The following POU6F2 variants were observed in gnomAD, a reference collection of about 807,000 sequenced individuals.
POU6F2 encodes the protein POU domain, class 6, transcription factor 2.
POU6F2 carries 31 observed loss-of-function variants against 71.3 expected under a neutral mutation model. The ratio of observed to expected loss-of-function variants is 0.43; its 90% CI spans 0.33 to 0.59. The LOEUF is 0.59. Among genes scored for constraint, POU6F2 ranks in the 20% least tolerant of loss-of-function variants. POU6F2 has a pLI of 0.04. For synonymous variants in POU6F2, 347 were observed against 355.7 expected, an observed-to-expected ratio of 0.98 and a Z score of 0.27; for missense variants, 783 against 856.8, an observed-to-expected ratio of 0.91 and a Z score of 1.07.
chr7:39,169,987 A>G (rs1480686958), intron 2 of POU6F2, among the ~76,000 whole-genome samples: 1 of 152,134 alleles, frequency 6.6e-6, no homozygotes, highest in African/African-American at 2.4e-5. Context: ...GTTCGAGACC[A>G]GCCTGGCCAA....
intron 2 of POU6F2, among the ~76,000 whole-genome samples, chr7:39,135,292 C>G (rs531549488): frequency 8.5e-5 from 13 of 152,288 alleles, no homozygotes; most frequent in African/African-American, 2.6e-4. Flanking sequence ...AGGCACTGAC[C>G]TAGGCAGAGG....
At chr7:39,077,429 T>C (rs1251187790) in intron 1 of POU6F2, among the ~76,000 whole-genome samples, 6 of 152,254 alleles carry the variant, frequency 3.9e-5, no homozygotes, top group African/African-American at 7.2e-5. Context: ...TTGATTGTTA[T>C]GTTGTTATTT....
At chr7:39,206,627 C>T (rs578208990) in intron 3 of POU6F2, among the ~76,000 whole-genome samples, 4 of 152,222 alleles carry the variant, frequency 2.6e-5, no homozygotes, top group Admixed American at 6.5e-5. Flanking sequence ...ATATTATAAA[C>T]ATTTTCTATT....
chr7:39,264,360 A>G lies in POU6F2; in HGVS notation c.598+56740A>G, dbSNP rs547717707. ...ATGCACTTGGACGCCCAGCCATCCA[A>G]CTGGGCCCTACTGAGTTATGGCCTG... On this transcript the variant is annotated intron_variant, in intron 4 of 9. Coordinates refer to ENST00000518318, the MANE Select transcript of POU6F2 (RefSeq NM_001370959.1). 3.7e-4 allele frequency among the ~76,000 whole-genome samples: 56 copies of G among 152,296 alleles called. No individual in the cohort carries two copies. The South Asian group carries it at 8.7e-3, about 24-fold the overall frequency.
chr7:39,147,932 C>G (rs1358338950), intron 2 of POU6F2, among the ~76,000 whole-genome samples: 1 of 152,200 alleles, frequency 6.6e-6, no homozygotes, highest in African/African-American at 2.4e-5. Flanking sequence ...CTCATGCACA[C>G]TCTCCAAATC....
intron 4 of POU6F2, among the ~76,000 whole-genome samples, chr7:39,284,054 G>A (rs111977369): frequency 6.6e-6 from 1 of 152,132 alleles, no homozygotes; most frequent in Non-Finnish European, 1.5e-5. Context: ...CCCCTACACC[G>A]TGAACCAAGC....
chr7:39,430,225 C>T (rs555127603), intron 6 of POU6F2, among the ~76,000 whole-genome samples: 5 of 152,126 alleles, frequency 3.3e-5, no homozygotes, highest in East Asian at 1.9e-4. Context: ...GTTTTTGACA[C>T]GTTGAGATGG....
chr7:39,322,320 G>A (rs898803985), intron 4 of POU6F2, among the ~76,000 whole-genome samples: 1 of 152,172 alleles, frequency 6.6e-6, no homozygotes, highest in Non-Finnish European at 1.5e-5. Context: ...ACAGGGCAAC[G>A]TGTTTGTTAT....
chr7:39,131,978 C>T (rs1001090654), intron 2 of POU6F2, among the ~76,000 whole-genome samples: 2 of 152,120 alleles, frequency 1.3e-5, no homozygotes, highest in African/African-American at 2.4e-5. Context: ...TATCCATCCC[C>T]TCAAGCACTT....
chr7:39,386,406 C>G lies in POU6F2; in HGVS notation c.973-20194C>G, dbSNP rs115813752. Among the ~76,000 whole-genome samples the G allele has an allele frequency of 9.6e-3, 1,463 of 152,260 alleles. 30 individuals carry two copies. The highest frequency in any genetic ancestry group is 0.034 in the African/African-American group (1,407 of 41,548). On this transcript the variant is annotated intron_variant, in intron 5 of 9. Transcript: ENST00000518318. Reference sequence around the variant, plus strand: ...CCTTTAGAACCCAGACAATATGACTCCAGAGCTCCACCGTTCTATTATAGC... The same window carrying G: ...CCTTTAGAACCCAGACAATATGACTGCAGAGCTCCACCGTTCTATTATAGC...
At chr7:39,261,820 T>G (rs73380999) in intron 4 of POU6F2, among the ~76,000 whole-genome samples, 1 of 152,220 alleles carries the variant, frequency 6.6e-6, no homozygotes, top group African/African-American at 2.4e-5. Flanking sequence ...GCAGATTGCA[T>G]ATTTTCTGGT....
At chr7:39,210,441 T>G (rs2128746506) in intron 4 of POU6F2, among the ~76,000 whole-genome samples, 2 of 152,324 alleles carry the variant, frequency 1.3e-5, no homozygotes, top group Admixed American at 1.3e-4. Flanking sequence ...ATCAGTCTCT[T>G]AATGGTTTGG....
chr7:39,290,273 G>T (rs1784726863), intron 4 of POU6F2, among the ~76,000 whole-genome samples: 1 of 152,036 alleles, frequency 6.6e-6, no homozygotes, highest in Non-Finnish European at 1.5e-5. Flanking sequence ...TCAGAATCCA[G>T]ATCTCACCGG....
intron 4 of POU6F2, among the ~76,000 whole-genome samples, chr7:39,266,399 G>A (rs1784241239): frequency 6.6e-6 from 1 of 152,152 alleles, no homozygotes; most frequent in Non-Finnish European, 1.5e-5. Context: ...ATTTCCCCAG[G>A]AAATCACAGA....
At chr7:39,204,841 G>GT (rs1336521524) in intron 3 of POU6F2, among the ~76,000 whole-genome samples, 1 of 148,642 alleles carries the variant, frequency 6.7e-6, no homozygotes, top group African/African-American at 2.5e-5. Flanking sequence ...TCCAATATTT[G>GT]TTTTTTGCAG....
chr7:39,031,604 C>T (rs529597008), intron 1 of POU6F2, among the ~76,000 whole-genome samples: 3 of 152,168 alleles, frequency 2.0e-5, no homozygotes, highest in Non-Finnish European at 2.9e-5. Context: ...ACTTGCCAGC[C>T]GGGCACAGTG....
intron 2 of POU6F2, among the ~76,000 whole-genome samples, chr7:39,139,998 C>CT (rs1452967200): frequency 6.6e-6 from 1 of 152,152 alleles, no homozygotes; most frequent in Non-Finnish European, 1.5e-5. Flanking sequence ...AGTCAGGAGA[C>CT]TAATAGCTTC....
chr7:39,397,815 T>TATATATAC (rs1491147007), intron 5 of POU6F2, among the ~76,000 whole-genome samples: 1 of 39,810 alleles, frequency 2.5e-5, no homozygotes, highest in African/African-American at 9.8e-5. Context: ...ATATTTTGTG[T>TATATATAC]ATATATATAT....
At chr7:39,082,230 C>T (rs1281588014) in intron 1 of POU6F2, among the ~76,000 whole-genome samples, 5 of 152,148 alleles carry the variant, frequency 3.3e-5, no homozygotes, top group South Asian at 2.1e-4. Context: ...CTTTTTCCAC[C>T]GTCTGGTTCT....
Sources: gnomAD v4.1 joint callset for allele counts (sites outside exome capture counted in the v4.1 genomes callset) on GRCh38, gnomAD v4.1.1 for gene constraint, MANE v1.5 for transcripts, NCBI Gene and HGNC (gene_info 2026-07-23, HGNC 2026-07-21) for gene names.